The following NOL4 variants were observed in gnomAD, a reference collection of about 807,000 sequenced individuals.
The protein encoded by NOL4 is cancer/testis antigen 125.
In NOL4, 17 loss-of-function variants were observed where a neutral mutation model predicts 75.9. The observed-to-expected ratio is 0.22, with a 90% CI of 0.15 to 0.34. The LOEUF (loss-of-function observed/expected upper bound fraction) is 0.34, where lower values mean the gene tolerates loss of function less well. NOL4 is among the 10% of genes least tolerant of loss of function. NOL4 has a pLI of 1.00. For synonymous variants in NOL4, 292 were observed against 289.9 expected, an observed-to-expected ratio of 1.01 and a Z score of -0.07; for missense variants, 614 against 793.5, an observed-to-expected ratio of 0.77 and a Z score of 2.72.
intron 6 of NOL4, among the ~76,000 whole-genome samples, chr18:33,989,689 T>C (rs927645203): frequency 1.3e-5 from 2 of 152,110 alleles, no homozygotes; most frequent in Non-Finnish European, 2.9e-5. Context: ...CAATTCATCA[T>C]TCATAATAAA....
At chr18:33,989,979 A>C (rs994674233) in intron 6 of NOL4, among the ~76,000 whole-genome samples, 12 of 152,222 alleles carry the variant, frequency 7.9e-5, no homozygotes, top group Admixed American at 1.3e-4. Flanking sequence ...CCTGTTATGT[A>C]CCAGGCTCTG....
At chr18:33,951,291 G>A (rs2069199722) in intron 8 of NOL4, among the ~76,000 whole-genome samples, 1 of 152,212 alleles carries the variant, frequency 6.6e-6, no homozygotes, top group African/African-American at 2.4e-5. Flanking sequence ...GCATTGATTT[G>A]TGAATTAAAA....
Position 34,093,725 on chromosome 18 carries a change from C to G in NOL4, c.640-128G>C, listed in dbSNP as rs2145555195. On this transcript the variant is annotated intron_variant, in intron 4 of 10. Coordinates refer to ENST00000261592, the MANE Select transcript of NOL4 (RefSeq NM_003787.5). The stretch of plus-strand genomic sequence containing the variant: ...TTACAGAATTCAGAAAAATATGTTA[C>G]AAACTAATAGATGTTTAAAATAGCA... 3 of 687,192 alleles carry G rather than the reference C, an allele frequency of 4.4e-6. No individual in the cohort carries two copies. The East Asian group carries it at 9.3e-5, about 21-fold the overall frequency. The allele number at this position is 687,192 out of a possible 1,614,324, so 42.6% of individuals were successfully genotyped here.
intron 6 of NOL4, among the ~76,000 whole-genome samples, chr18:34,002,819 T>C (rs1043433146): frequency 1.3e-5 from 2 of 152,156 alleles, no homozygotes; most frequent in African/African-American, 4.8e-5. Context: ...CACTACATGA[T>C]GACTCAGAAT....
chr18:34,077,309 A>C (rs890058791), intron 5 of NOL4, among the ~76,000 whole-genome samples: 38 of 152,122 alleles, frequency 2.5e-4, no homozygotes, highest in African/African-American at 8.0e-4. Context: ...CTGTCTCAAA[A>C]AACAAAACAA....
intron 9 of NOL4, among the ~76,000 whole-genome samples, chr18:33,918,489 C>A (rs969295297): frequency 6.6e-6 from 1 of 151,986 alleles, no homozygotes; most frequent in Non-Finnish European, 1.5e-5. Flanking sequence ...ACATCTTCAC[C>A]CATGCTAAGA....
At chr18:34,070,500 T>C (rs1207079201) in intron 5 of NOL4, among the ~76,000 whole-genome samples, 3 of 152,192 alleles carry the variant, frequency 2.0e-5, no homozygotes, top group East Asian at 3.9e-4. Flanking sequence ...GGAACAACCA[T>C]AAGAATGATG....
At chr18:33,920,130 G>T (rs1322645700) in intron 9 of NOL4, among the ~76,000 whole-genome samples, 1 of 151,876 alleles carries the variant, frequency 6.6e-6, no homozygotes, top group Non-Finnish European at 1.5e-5. Context: ...ATTTCATATT[G>T]TATAAGAGTT....
chr18:34,188,016 T>C (rs1261625104), intron 1 of NOL4, among the ~76,000 whole-genome samples: 2 of 152,136 alleles, frequency 1.3e-5, no homozygotes, highest in Admixed American at 6.5e-5. Flanking sequence ...ACCATTCTAA[T>C]AGGTAGGTAG....
At chr18:34,136,100 A>G (rs1025027585) in intron 1 of NOL4, among the ~76,000 whole-genome samples, 2 of 152,168 alleles carry the variant, frequency 1.3e-5, no homozygotes, top group South Asian at 2.1e-4. Flanking sequence ...TATTATTTCC[A>G]TAGATCCAGG....
chr18:33,929,238 C>T (rs140687487), intron 9 of NOL4, among the ~76,000 whole-genome samples: 2 of 152,150 alleles, frequency 1.3e-5, no homozygotes, highest in African/African-American at 4.8e-5. Context: ...GATTTCTTCA[C>T]AACAATCTCA....
At chr18:34,032,047 A>T (rs555901048) in intron 5 of NOL4, among the ~76,000 whole-genome samples, 4 of 152,356 alleles carry the variant, frequency 2.6e-5, no homozygotes, top group Admixed American at 2.6e-4. Context: ...GAGGTGCTAG[A>T]CAAGCCCTGG....
intron 5 of NOL4, among the ~76,000 whole-genome samples, chr18:34,060,730 A>G (rs72639483): frequency 0.21 from 31,319 of 152,104 alleles, 3,691 homozygotes; most frequent in East Asian, 0.35. Context: ...AAATGGACAA[A>G]TCTGTGAGAC....
At chr18:33,856,756 T>C (rs544382014) in intron 10 of NOL4, among the ~76,000 whole-genome samples, 14 of 152,240 alleles carry the variant, frequency 9.2e-5, no homozygotes, top group Middle Eastern at 3.4e-3. Flanking sequence ...GAATTGCAGA[T>C]ATTAATAATA....
chr18:33,855,564 C>A (rs2062801089), intron 10 of NOL4, among the ~76,000 whole-genome samples: 1 of 152,068 alleles, frequency 6.6e-6, no homozygotes, highest in African/African-American at 2.4e-5. Flanking sequence ...GTTAAAGGCA[C>A]ATACCAAGGC....
In NOL4 at chr18:33,852,787, T is replaced by C; in HGVS notation, c.*55A>G. The C allele has an allele frequency of 1.4e-6, 2 of 1,460,892 alleles. No homozygotes were observed. Among genetic ancestry groups the C allele is most frequent in the East Asian group, 2.3e-5 (1 of 43,826 alleles). 90.5% of individuals were successfully genotyped at this position (1,460,892 alleles called of 1,614,324 possible). A position where few individuals can be genotyped will look rare whatever the true frequency, so the allele number is the denominator to read the frequency against. ...AAGTATCTCTGTTGGGAAATCAAAA[T>C]GTCATTAGTGGAAACTGCAAATTTA... On this transcript the variant is annotated 3_prime_UTR_variant, in exon 11 of 11. Transcript: ENST00000261592.
chr18:34,174,416 AG>A (rs2033344831), intron 1 of NOL4, among the ~76,000 whole-genome samples: 1 of 152,184 alleles, frequency 6.6e-6, no homozygotes, highest in South Asian at 2.1e-4. Flanking sequence ...GAAATAAAAA[AG>A]CTAAGTCTTG....
chr18:34,121,046 G>C (rs1421105296), intron 2 of NOL4, among the ~76,000 whole-genome samples: 1 of 152,120 alleles, frequency 6.6e-6, no homozygotes, highest in Non-Finnish European at 1.5e-5. Flanking sequence ...TGTCATAACA[G>C]AGAATTCTTA....
intron 9 of NOL4, among the ~76,000 whole-genome samples, chr18:33,889,177 A>G (rs1412870125): frequency 6.6e-6 from 1 of 152,124 alleles, no homozygotes; most frequent in African/African-American, 2.4e-5. Context: ...ACAGAAAATG[A>G]TAAAGGGGAT....
Sources: allele counts gnomAD v4.1 joint callset (sites outside exome capture counted in the v4.1 genomes callset), GRCh38; gene constraint gnomAD v4.1.1; transcripts MANE v1.5; gene names NCBI Gene and HGNC (gene_info 2026-07-23, HGNC 2026-07-21).